The following NNT variants were observed in gnomAD, a reference collection of about 807,000 sequenced individuals.
The protein encoded by NNT is nicotinamide nucleotide transhydrogenase, also known as NAD(P) transhydrogenase, mitochondrial.
NNT carries 50 observed loss-of-function variants against 104.8 expected under a neutral mutation model. The observed-to-expected ratio is 0.48, with a 90% CI of 0.38 to 0.60. NNT has a LOEUF of 0.60. Among genes scored for constraint, NNT ranks in the 20% least tolerant of loss-of-function variants. The pLI, the probability that NNT is intolerant of heterozygous loss-of-function variation, is 0.00. For synonymous variants in NNT, 461 were observed against 490.4 expected, an observed-to-expected ratio of 0.94 and a Z score of 0.79; for missense variants, 1,131 against 1,330.7, an observed-to-expected ratio of 0.85 and a Z score of 2.33.
At chr5:43,613,457 C>A (rs1234533517) in intron 3 of NNT, 2 of 199,934 alleles carry the variant, frequency 1.0e-5, no homozygotes, top group Non-Finnish European at 2.0e-5. Flanking sequence ...CACACGTGAA[C>A]ATTTACTGCT....
At chr5:43,703,474 G>A (rs1424175073) in intron 21 of NNT, among the ~76,000 whole-genome samples, 1 of 152,154 alleles carries the variant, frequency 6.6e-6, no homozygotes, top group African/African-American at 2.4e-5. Context: ...ATGAAAAATT[G>A]TGTCAGTAGT....
chr5:43,699,105 T>G (rs780925424), intron 19 of NNT, among the ~76,000 whole-genome samples: 2 of 152,044 alleles, frequency 1.3e-5, no homozygotes, highest in African/African-American at 2.4e-5. Context: ...AGATAAATAC[T>G]GGGCAAGAGG....
At position 43,659,233 on chromosome 5, in the gene NNT, C is replaced by T; in HGVS notation, c.2517C>T (p.Asn839=). 1.2e-6 allele frequency: 2 copies of T among 1,614,042 alleles called. No homozygotes were observed. The highest frequency in any genetic ancestry group is 1.3e-5 in the African/African-American group (1 of 75,006). The change falls in exon 17 of 22, where the codon AAC becomes AAT. Residue 839 remains asparagine, a synonymous_variant. Transcript: ENST00000344920. ...TGCCCGTCGTTATCACTGTGCTGAA[C>T]AGCTACTCAGGCTGGGCCCTGTGTG... The part of the protein sequence containing the change: ...ADMPVVITVL[N]SYSGWALCAE...
intron 1 of NNT, 22 bp from the exon 2 acceptor site, chr5:43,609,121 A>T: frequency 1.7e-6 from 2 of 1,192,584 alleles, no homozygotes; most frequent in South Asian, 2.9e-5. Context: ...GCATATATAC[A>T]TCCTATTTTC....
intron 2 of NNT, 22 bp from the exon 3 acceptor site, chr5:43,612,886 T>G (rs1027574866): frequency 1.3e-6 from 2 of 1,511,278 alleles, no homozygotes; most frequent in Non-Finnish European, 1.8e-6. Context: ...TATATATTTT[T>G]TTTGCCTTTG....
intron 18 of NNT, among the ~76,000 whole-genome samples, chr5:43,676,192 G>T (rs1741406963): frequency 6.6e-6 from 1 of 152,174 alleles, no homozygotes; most frequent in Non-Finnish European, 1.5e-5. Flanking sequence ...AACAATCTAT[G>T]TGACATTGCC....
intron 17 of NNT, among the ~76,000 whole-genome samples, chr5:43,673,699 C>T (rs1398264622): frequency 6.6e-6 from 1 of 152,154 alleles, no homozygotes; most frequent in East Asian, 1.9e-4. Flanking sequence ...AACACCATGT[C>T]AGCTAGGGAT....
chr5:43,638,645 T>C (rs1751060758), intron 7 of NNT, among the ~76,000 whole-genome samples: 1 of 151,202 alleles, frequency 6.6e-6, no homozygotes, highest in Non-Finnish European at 1.5e-5. Flanking sequence ...CTCATGTTTT[T>C]GTTAAAGCAG....
chr5:43,624,649 C>G (rs1459168825), intron 6 of NNT, among the ~76,000 whole-genome samples: 3 of 152,130 alleles, frequency 2.0e-5, no homozygotes, highest in Non-Finnish European at 2.9e-5. Flanking sequence ...GGTGAAAGTA[C>G]TTGGTTATGT....
intron 17 of NNT, among the ~76,000 whole-genome samples, chr5:43,673,938 T>A (rs1407470282): frequency 1.3e-5 from 2 of 151,414 alleles, no homozygotes; most frequent in Non-Finnish European, 2.9e-5. Flanking sequence ...GAAAATCTCT[T>A]GAACCCAGGA....
chr5:43,656,829 T>C lies in NNT; in HGVS notation c.2454+16T>C, dbSNP rs1233741591. The C allele has an allele frequency of 3.1e-6, 5 of 1,602,492 alleles. No individual in the cohort carries two copies. The highest frequency in any genetic ancestry group is 4.3e-6 in the Non-Finnish European group (5 of 1,175,662). On this transcript the variant is annotated intron_variant, in intron 16 of 21. Coordinates refer to ENST00000344920, the MANE Select transcript of NNT (RefSeq NM_182977.3). Reference sequence around the variant, plus strand: ...TGCTGTCATGGTAAGAAGTCAGAGATTGAAAAGTACATATTTGGTGAAGAA... The same window carrying C: ...TGCTGTCATGGTAAGAAGTCAGAGACTGAAAAGTACATATTTGGTGAAGAA...
rs1288164762 is a variant in NNT, at chr5:43,604,277, G to T, written c.-54+983G>T. On this transcript the variant is annotated intron_variant, in intron 1 of 21. Coordinates refer to ENST00000344920, the MANE Select transcript of NNT (RefSeq NM_182977.3). ...GAGTCTTGTAGGACAGACTTATTCG[G>T]AGAAGCGCGTGGGGCTTAGGTGCCT... Among the ~76,000 whole-genome samples, 3 of 152,210 alleles carry T rather than the reference G, an allele frequency of 2.0e-5. 1 individual carries two copies. Among genetic ancestry groups the T allele is most frequent in the East Asian group, 3.9e-4 (2 of 5,190 alleles).
chr5:43,701,607 A>T (rs1244780062), intron 20 of NNT, among the ~76,000 whole-genome samples: 1 of 152,128 alleles, frequency 6.6e-6, no homozygotes. Flanking sequence ...CAGTAGTGGG[A>T]TTGCTGGGTC....
intron 19 of NNT, among the ~76,000 whole-genome samples, chr5:43,682,698 G>C (rs1208764614): frequency 6.6e-6 from 1 of 152,148 alleles, no homozygotes; most frequent in Non-Finnish European, 1.5e-5. Flanking sequence ...TTTGAGTAAC[G>C]AAATAGACAT....
intron 19 of NNT, among the ~76,000 whole-genome samples, chr5:43,695,996 T>G (rs1742537901): frequency 6.6e-6 from 1 of 152,092 alleles, no homozygotes. Context: ...AGCCAAACTG[T>G]ATCATCCCAC....
At chr5:43,685,863 CAT>C (rs1741960662) in intron 19 of NNT, among the ~76,000 whole-genome samples, 1 of 152,068 alleles carries the variant, frequency 6.6e-6, no homozygotes, top group African/African-American at 2.4e-5. Flanking sequence ...CCCTTTAAAA[CAT>C]GTGGTATCTG....
intron 19 of NNT, among the ~76,000 whole-genome samples, chr5:43,686,918 T>C (rs1742020048): frequency 6.6e-6 from 1 of 152,152 alleles, no homozygotes. Flanking sequence ...GCTTTGAACC[T>C]GGCAGTGGCA....
At chr5:43,696,455 G>T (rs568668633) in intron 19 of NNT, among the ~76,000 whole-genome samples, 2 of 152,312 alleles carry the variant, frequency 1.3e-5, no homozygotes, top group African/African-American at 4.8e-5. Context: ...TTGAGTTTCT[G>T]CAGATTTTTC....
intron 6 of NNT, among the ~76,000 whole-genome samples, chr5:43,625,221 G>A (rs992101115): frequency 2.0e-5 from 3 of 149,622 alleles, no homozygotes; most frequent in Non-Finnish European, 3.0e-5. Context: ...AAATGGAAAT[G>A]TATGTATTTG....
Sources: gnomAD v4.1 joint callset for allele counts (sites outside exome capture counted in the v4.1 genomes callset) on GRCh38, gnomAD v4.1.1 for gene constraint, MANE v1.5 for transcripts, NCBI Gene and HGNC (gene_info 2026-07-23, HGNC 2026-07-21) for gene names.